The following COQ2 variants were observed in gnomAD, a reference collection of about 807,000 sequenced individuals.
COQ2 encodes 4-hydroxybenzoate polyprenyltransferase, mitochondrial.
Under a neutral mutation model 35.7 loss-of-function variants are expected in COQ2, and 25 were observed. That is an observed-to-expected ratio of 0.70 (90% CI 0.51 to 0.98). The LOEUF is 0.98. Ranked by LOEUF, COQ2 falls within the 50% of genes least tolerant of loss-of-function variation. COQ2 has a pLI of 0.00. For synonymous variants in COQ2, 206 were observed against 186.2 expected, an observed-to-expected ratio of 1.11 and a Z score of -0.86; for missense variants, 488 against 473.5, an observed-to-expected ratio of 1.03 and a Z score of -0.28.
At position 83,272,161 on chromosome 4, in the gene COQ2, C is replaced by T; in HGVS notation, c.554G>A (p.Gly185Glu). Reference sequence around the variant, plus strand: ...GATGACAAGAAGTAAGGATCCTGCTCCCAGAGCTATACTGAAAAGAGGAAA... The same window carrying T: ...GATGACAAGAAGTAAGGATCCTGCTTCCAGAGCTATACTGAAAAGAGGAAA... Reference protein sequence around the residue: ...LCLNYYSIALGAGSLLLVITY... With the variant: ...LCLNYYSIALEAGSLLLVITY... Residue 185 changes from glycine (G) to glutamate (E), a missense_variant, in exon 4 of 7, where the codon GGA (glycine) becomes GAA (glutamate). By Grantham distance (98) the Gly-to-Glu change is moderately conservative. Transcript: ENST00000647002. The T allele has an allele frequency of 6.2e-7, 1 of 1,608,086 alleles. No individual in the cohort carries two copies. Among genetic ancestry groups the T allele is most frequent in the Non-Finnish European group, 8.5e-7 (1 of 1,176,736 alleles).
intron 4 of COQ2, among the ~76,000 whole-genome samples, chr4:83,270,395 T>A (rs1577984941): frequency 6.6e-6 from 1 of 152,156 alleles, no homozygotes; most frequent in South Asian, 2.1e-4. Flanking sequence ...CTGCCTCCCC[T>A]ATCAGCTACT....
intron 6 of COQ2, chr4:83,267,107 G>C: frequency 2.2e-6 from 1 of 451,356 alleles, no homozygotes. Context: ...GGGGTTGGTA[G>C]CTCACACTGG....
At chr4:83,264,992 C>T (rs1734877686) in intron 6 of COQ2, among the ~76,000 whole-genome samples, 2 of 152,140 alleles carry the variant, frequency 1.3e-5, no homozygotes, top group African/African-American at 4.8e-5. Flanking sequence ...TTATTATAAC[C>T]AAAAATGCCC....
upstream of COQ2, chr4:83,284,975 C>T (rs1293129856): frequency 8.7e-7 from 1 of 1,154,074 alleles, no homozygotes; most frequent in Admixed American, 3.5e-5. Context: ...TGGCAAAAGG[C>T]AAAAAAATTA....
rs6832955 is a variant in COQ2 at position 83,267,371 on chromosome 4, A to C, written c.951+215T>G. On this transcript the variant is annotated intron_variant, in intron 6 of 6. Transcript: ENST00000647002. ...CAGCCTGGATGACAGGCTGGACAGC[A>C]CTGTTTCAAAAAAAATTTAAAAATA... 0.94 allele frequency among the ~76,000 whole-genome samples: 142,943 copies of C among 151,966 alleles called. 67,906 individuals carry two copies. The highest frequency in any genetic ancestry group is 1 in the East Asian group (5,183 of 5,184).
In COQ2 at chr4:83,279,093, G is replaced by A; in HGVS notation, c.275C>T (p.Pro92Leu). The change falls in exon 2 of 7, where the codon CCA becomes CTA. Residue 92 changes from proline to leucine, a missense_variant. Transcript: ENST00000647002. ...KPIGTWLLYL[P>L]CTWSIGLAAE... ...TGCCAAACCAATGCTCCAGGTACAT[G>A]GTAAATACAGAAGCCAGGTTCCTAA... 6.4e-7 allele frequency: 1 copy of A among 1,574,446 alleles called. No homozygotes were observed. Among genetic ancestry groups the A allele is most frequent in the Non-Finnish European group, 8.6e-7 (1 of 1,162,296 alleles).
upstream of COQ2, chr4:83,284,808 C>T (rs746627973): frequency 2.6e-5 from 41 of 1,569,382 alleles, no homozygotes; most frequent in African/African-American, 4.6e-4. Context: ...CGTCATTCCC[C>T]GGCAGGCATG....
chr4:83,283,198 AC>A (rs1053856781), intron 1 of COQ2: 48 of 858,562 alleles, frequency 5.6e-5, no homozygotes, highest in Non-Finnish European at 6.7e-5. Context: ...AATCTAGAAT[AC>A]CAAAAGCAAG....
At chr4:83,265,980 T>C (rs1170348663) in intron 6 of COQ2, among the ~76,000 whole-genome samples, 1 of 152,212 alleles carries the variant, frequency 6.6e-6, no homozygotes, top group African/African-American at 2.4e-5. Flanking sequence ...TTCCTTATAG[T>C]ATTTGTGATT....
chr4:83,273,334 G>A (rs529631566), intron 3 of COQ2, among the ~76,000 whole-genome samples, 162 bp downstream of exon 3: 1 of 152,330 alleles, frequency 6.6e-6, no homozygotes, highest in African/African-American at 2.4e-5. Context: ...CATTCTTGAA[G>A]CAGATTTAAA....
intron 2 of COQ2, among the ~76,000 whole-genome samples, chr4:83,277,973 AAC>A (rs10595798): frequency 0.035 from 4,899 of 140,084 alleles, 151 homozygotes; most frequent in African/African-American, 0.081. Flanking sequence ...TCCATCTCAA[AAC>A]ACACACACAC....
At chr4:83,275,616 T>A (rs75527090) in intron 2 of COQ2, among the ~76,000 whole-genome samples, 1 of 152,104 alleles carries the variant, frequency 6.6e-6, no homozygotes, top group Admixed American at 6.6e-5. Flanking sequence ...AATCTCCAGG[T>A]GTTTTAGACA....
At chr4:83,272,011 A>T in intron 4 of COQ2, 76 bp downstream of exon 4, 1 of 901,596 alleles carries the variant, frequency 1.1e-6, no homozygotes, top group Non-Finnish European at 1.7e-6. Context: ...TTTCATCTTT[A>T]CCTATTTACC....
chr4:83,267,304 G>C (rs1734941793), intron 6 of COQ2: 2 of 417,842 alleles, frequency 4.8e-6, no homozygotes, highest in South Asian at 4.0e-5. Context: ...TTCAGTCCAG[G>C]AGTTAGAGGT....
chr4:83,283,133 C>G, intron 1 of COQ2: 1 of 288,380 alleles, frequency 3.5e-6, no homozygotes, highest in Non-Finnish European at 5.2e-6. Context: ...GGCTTTTATG[C>G]TTTGATAGCT....
Position 83,272,094 on chromosome 4 carries a change from T to C in COQ2, c.621A>G (p.Leu207=), listed in dbSNP as rs548336203. The part of the protein sequence containing the change: ...LMKRISYWPQ[L]ALGLTFNWGA... ...TAGTTATTGTAAGCTCACCCAAGGC[T>C]AGTTGAGGCCAGTATGAAATTCTTT... Residue 207 remains leucine (L), a synonymous_variant, in exon 4 of 7, where the codon CTA becomes CTG. Coordinates refer to ENST00000647002, the MANE Select transcript of COQ2 (RefSeq NM_001358921.2). 7.5e-6 allele frequency: 12 copies of C among 1,602,422 alleles called. No individual in the cohort carries two copies. In the South Asian group the frequency reaches 1.3e-4, roughly 18 times the overall value.
chr4:83,272,243 A>T (rs1735067128), intron 3 of COQ2, 71 bp from the exon 4 acceptor site: 1 of 832,130 alleles, frequency 1.2e-6, no homozygotes, highest in Non-Finnish European at 1.9e-6. Context: ...ACTTTAAGAC[A>T]ATGACATAAG....
Position 83,264,137 on chromosome 4 carries a change from T to G in COQ2, c.*62A>C. On this transcript the variant is annotated 3_prime_UTR_variant, in exon 7 of 7. Coordinates refer to ENST00000647002, the MANE Select transcript of COQ2 (RefSeq NM_001358921.2). ...CTTTAACATATTGTATCAGATTTTG[T>G]ATTCAAATCTAATTATATTTTGTAA... is the stretch of plus-strand genomic sequence containing the variant. 1 of 857,676 alleles carries G rather than the reference T, an allele frequency of 1.2e-6. No homozygotes were observed. Among genetic ancestry groups the G allele is most frequent in the Non-Finnish European group, 1.8e-6 (1 of 568,880 alleles). The allele number at this position is 857,676 out of a possible 1,614,324, so 53.1% of individuals were successfully genotyped here. A position where few individuals can be genotyped will look rare whatever the true frequency, so the allele number is the denominator to read the frequency against.
At chr4:83,280,811 G>A (rs1735302779) in intron 1 of COQ2, among the ~76,000 whole-genome samples, 1 of 152,202 alleles carries the variant, frequency 6.6e-6, no homozygotes, top group Admixed American at 6.5e-5. Context: ...AATTCAGGTT[G>A]TCCTGGACAG....
Sources: allele counts gnomAD v4.1 joint callset (sites outside exome capture counted in the v4.1 genomes callset), GRCh38; gene constraint gnomAD v4.1.1; transcripts MANE v1.5; gene names NCBI Gene and HGNC (gene_info 2026-07-23, HGNC 2026-07-21).